The following TMEM232 variants were observed in gnomAD, a reference collection of about 807,000 sequenced individuals.
TMEM232 encodes the protein transmembrane protein 232.
In TMEM232, 80 loss-of-function variants were observed where a neutral mutation model predicts 78.8. The observed-to-expected ratio is 1.01, with a 90% CI of 0.85 to 1.22. The LOEUF (loss-of-function observed/expected upper bound fraction) is 1.22. Among genes scored for constraint, TMEM232 ranks in the 50% most tolerant of loss-of-function variants. The probability of loss-of-function intolerance (pLI) is 0.00; values close to 1 mark genes in which losing one functional copy is unlikely to be tolerated. For synonymous variants in TMEM232, 297 were observed against 254.3 expected, an observed-to-expected ratio of 1.17 and a Z score of -1.60; for missense variants, 881 against 742.2, an observed-to-expected ratio of 1.19 and a Z score of -2.17.
intron 8 of TMEM232, among the ~76,000 whole-genome samples, chr5:110,614,303 A>G (rs1782668626): frequency 6.6e-6 from 1 of 152,126 alleles, no homozygotes; most frequent in South Asian, 2.1e-4. Flanking sequence ...CAGTTGAATG[A>G]TGCATTGGAG....
chr5:110,713,337 T>C (rs1289326690), intron 1 of TMEM232, among the ~76,000 whole-genome samples: 2 of 152,102 alleles, frequency 1.3e-5, no homozygotes, highest in South Asian at 2.1e-4. Flanking sequence ...TAGTATTTGA[T>C]AGTACAATGG....
At chr5:110,390,234 G>A (rs1184954983) in intron 4 of TMEM232, among the ~76,000 whole-genome samples, 1 of 152,138 alleles carries the variant, frequency 6.6e-6, no homozygotes, top group African/African-American at 2.4e-5. Flanking sequence ...GGAATTATAA[G>A]GTTTGACTGA....
chr5:110,625,191 G>T, intron 7 of TMEM232, 76 bp downstream of exon 7: 1 of 1,337,516 alleles, frequency 7.5e-7, no homozygotes, highest in Non-Finnish European at 9.9e-7. Context: ...GTATTGATAA[G>T]CACCATTACT....
chr5:110,387,432 T>C (rs1156271564), intron 5 of TMEM232: 1 of 152,190 alleles, frequency 6.6e-6, no homozygotes, highest in East Asian at 1.9e-4. Context: ...AAGGAAAGAT[T>C]AGATATCATA....
chr5:110,588,440 A>C (rs904064412), intron 10 of TMEM232, among the ~76,000 whole-genome samples: 2 of 152,168 alleles, frequency 1.3e-5, no homozygotes, highest in African/African-American at 4.8e-5. Flanking sequence ...AAACTGAAGA[A>C]GTTAATTATA....
intron 11 of TMEM232, among the ~76,000 whole-genome samples, chr5:110,564,069 T>G (rs2149669254): frequency 6.6e-6 from 1 of 152,150 alleles, no homozygotes; most frequent in East Asian, 1.9e-4. Context: ...ACCCATATGC[T>G]TTGATAATAA....
rs142960266 is a variant in TMEM232, at chr5:110,630,732, T to A, written c.502-2852A>T. On this transcript the variant is annotated intron_variant, in intron 5 of 13. Coordinates refer to ENST00000455884, the MANE Select transcript of TMEM232 (RefSeq NM_001039763.4). ...CATAAATTACCCAGTCTCAGGTACT[T>A]CTTTATAACAGTGTGAGAATGAACT... Among the ~76,000 whole-genome samples, 603 of 152,236 alleles carry A rather than the reference T, an allele frequency of 4.0e-3. 2 individuals are homozygous for A. Among genetic ancestry groups the A allele is most frequent in the African/African-American group, 0.014 (577 of 41,540 alleles).
At chr5:110,731,139 T>C (rs957405592), upstream of TMEM232, among the ~76,000 whole-genome samples, 5 of 152,166 alleles carry the variant, frequency 3.3e-5, no homozygotes, top group African/African-American at 1.2e-4. Context: ...CAGTCAAATT[T>C]TAAAGCTCCA....
chr5:110,508,886 GTATATATGTATATATATAAAATTA>G (rs1294569608), intron 12 of TMEM232, among the ~76,000 whole-genome samples: 7 of 134,766 alleles, frequency 5.2e-5, no homozygotes, highest in South Asian at 4.5e-4. Context: ...ATATATATGT[GTATATATGTATATATATAAAATTA>G]TATATATGTA....
intron 2 of TMEM232, among the ~76,000 whole-genome samples, chr5:110,408,338 T>TG (rs1335474074): frequency 6.6e-6 from 1 of 152,136 alleles, no homozygotes; most frequent in African/African-American, 2.4e-5. Context: ...ACACCTGTAA[T>TG]CCCAGCACTT....
chr5:110,559,205 A>G (rs961451721), intron 11 of TMEM232, among the ~76,000 whole-genome samples: 1 of 152,194 alleles, frequency 6.6e-6, no homozygotes, highest in Non-Finnish European at 1.5e-5. Flanking sequence ...TTTCAGATGA[A>G]TTGTAAACCT....
chr5:110,557,365 A>G (rs952607398), intron 11 of TMEM232, among the ~76,000 whole-genome samples: 11 of 152,172 alleles, frequency 7.2e-5, no homozygotes, highest in African/African-American at 2.2e-4. Flanking sequence ...TCTGAATTCT[A>G]TCTTTGACAT....
chr5:110,536,413 C>G (rs1561649658), intron 11 of TMEM232, among the ~76,000 whole-genome samples: 1 of 152,248 alleles, frequency 6.6e-6, no homozygotes, highest in Non-Finnish European at 1.5e-5. Flanking sequence ...GCTGCCTTGC[C>G]TGGAAGGAGG....
intron 10 of TMEM232, among the ~76,000 whole-genome samples, chr5:110,581,095 A>G (rs1442429124): frequency 1.3e-5 from 2 of 151,962 alleles, no homozygotes; most frequent in Non-Finnish European, 2.9e-5. Flanking sequence ...GCCCAAAGCA[A>G]TATACAGAGT....
At position 110,605,217 on chromosome 5, in the gene TMEM232, T is replaced by C; in HGVS notation, c.1168A>G (p.Ser390Gly). The change falls in exon 10 of 14, where the codon AGT becomes GGT. Residue 390 changes from serine to glycine, a missense_variant. Ser to Gly is a moderately conservative substitution (Grantham distance 56, BLOSUM62 0). Transcript: ENST00000455884. ...TALIGFCHCK[S>G]SQKNILYLDK... Reference sequence around the variant, plus strand: ...AAGTATAAAATATTTTTTTGTGAACTTTTACAGTGACAGAAACCAATTAAA... The same window carrying C: ...AAGTATAAAATATTTTTTTGTGAACCTTTACAGTGACAGAAACCAATTAAA... 1.3e-6 allele frequency: 2 copies of C among 1,551,170 alleles called. No individual in the cohort carries two copies. Among genetic ancestry groups the C allele is most frequent in the Non-Finnish European group, 1.7e-6 (2 of 1,146,696 alleles).
At chr5:110,657,391 G>GTGTGTC (rs1789232327) in intron 2 of TMEM232, among the ~76,000 whole-genome samples, 1 of 150,096 alleles carries the variant, frequency 6.7e-6, no homozygotes, top group South Asian at 2.1e-4. Context: ...CTGAGTGTGT[G>GTGTGTC]TGTGTGTGTG....
In TMEM232 at chr5:110,494,816, A is replaced by G. The variant is rs1344084075; in HGVS notation, c.1703+33772T>C. On this transcript the variant is annotated intron_variant, in intron 12 of 13. Transcript: ENST00000455884. ...TATAACGTGGGAGAATACCTGAACC[A>G]TAATATTGATTAATCAAAAATAATT... Among the ~76,000 whole-genome samples, 10 of 152,110 alleles carry G rather than the reference A, an allele frequency of 6.6e-5. No individual in the cohort carries two copies. In the East Asian group the frequency reaches 1.9e-3, roughly 29 times the overall value.
chr5:110,495,758 A>G (rs1368948127), intron 12 of TMEM232, among the ~76,000 whole-genome samples: 3 of 151,864 alleles, frequency 2.0e-5, no homozygotes, highest in Non-Finnish European at 2.9e-5. Flanking sequence ...AATGTCATTA[A>G]CTTAATGTCA....
chr5:110,435,264 GTTTAC>G (rs565742154), intron 12 of TMEM232, among the ~76,000 whole-genome samples: 5 of 151,552 alleles, frequency 3.3e-5, no homozygotes, highest in Admixed American at 1.3e-4. Context: ...AATCAGTAGT[GTTTAC>G]TTTAAGTTTT....
Sources: gnomAD v4.1 joint callset for allele counts (sites outside exome capture counted in the v4.1 genomes callset) on GRCh38, gnomAD v4.1.1 for gene constraint, MANE v1.5 for transcripts, NCBI Gene and HGNC (gene_info 2026-07-23, HGNC 2026-07-21) for gene names.